The following SLC3A1 variants were observed in gnomAD, a reference collection of about 807,000 sequenced individuals.
SLC3A1 encodes the protein solute carrier family 3 member 1.
Under a neutral mutation model 60.3 loss-of-function variants are expected in SLC3A1, and 78 were observed. The ratio of observed to expected loss-of-function variants is 1.29; its 90% CI spans 1.08 to 1.56. The LOEUF (loss-of-function observed/expected upper bound fraction) is 1.56, where lower values mean the gene tolerates loss of function less well. SLC3A1 is among the 40% of genes most tolerant of loss of function. The pLI, the probability that SLC3A1 is intolerant of heterozygous loss-of-function variation, is 0.00. For missense variants in SLC3A1, 1,172 were observed against 858.9 expected, an observed-to-expected ratio of 1.36 and a Z score of -4.56; for synonymous variants, 392 against 307.9, an observed-to-expected ratio of 1.27 and a Z score of -2.86.
rs977200309 is a variant in SLC3A1 at position 44,280,517 on chromosome 2, C to T, written c.431-199C>T. On this transcript the variant is annotated intron_variant, in intron 1 of 9. Transcript: ENST00000260649. ...CCTCCCAAAGTGCTGGGATTACAGG[C>T]GTGAACCACTACACCCGACCTAATT... Among the ~76,000 whole-genome samples the T allele has an allele frequency of 7.2e-5, 11 of 152,240 alleles. 1 individual carries two copies. Among genetic ancestry groups the T allele is most frequent in the Admixed American group, 2.0e-4 (3 of 15,290 alleles).
intron 9 of SLC3A1, among the ~76,000 whole-genome samples, chr2:44,315,698 TAAAACATACAGGAGAAAAACAGTTCTA>T (rs547123841): frequency 8.4e-4 from 118 of 140,514 alleles, no homozygotes; most frequent in African/African-American, 2.9e-3. Flanking sequence ...AGTGGGAGTC[TAAAACATACAGGAGAAAAACAGTTCTA>T]ACAGAGACAG....
chr2:44,310,256 C>A (rs565457039), intron 7 of SLC3A1, among the ~76,000 whole-genome samples: 2 of 152,174 alleles, frequency 1.3e-5, no homozygotes, highest in African/African-American at 4.8e-5. Flanking sequence ...AGTGACTTCT[C>A]CGTTTTACAT....
At position 44,304,131 on chromosome 2, in the gene SLC3A1, C is replaced by G. The variant is rs1441314916; in HGVS notation, c.1137-12C>G. 1.9e-6 allele frequency: 3 copies of G among 1,611,266 alleles called. No individual in the cohort carries two copies. On this transcript the variant is annotated splice_polypyrimidine_tract_variant and intron_variant, in intron 6 of 9. Transcript: ENST00000260649. ...AGGCCCCGATGACACTGAACCTTGT[C>G]AACTCTTATAGGTTCATGGGGACTG...
chr2:44,317,959 AAAT>A (rs142340658), intron 9 of SLC3A1: 3,414 of 268,742 alleles, frequency 0.013, 124 homozygotes, highest in African/African-American at 0.072. Flanking sequence ...TATAGCAAGC[AAAT>A]AATAGAAAGC....
chr2:44,291,347 G>A (rs1007346601), intron 4 of SLC3A1, among the ~76,000 whole-genome samples: 1 of 152,140 alleles, frequency 6.6e-6, no homozygotes, highest in Non-Finnish European at 1.5e-5. Context: ...GATAAATTCT[G>A]CAAAAATGTG....
At chr2:44,292,977 G>T (rs1047949630) in intron 4 of SLC3A1, among the ~76,000 whole-genome samples, 2 of 152,054 alleles carry the variant, frequency 1.3e-5, no homozygotes, top group Non-Finnish European at 2.9e-5. Flanking sequence ...CCAGGGAGGA[G>T]GATGGTGCAG....
At chr2:44,279,087 C>T (rs1328534027) in intron 1 of SLC3A1, among the ~76,000 whole-genome samples, 1 of 152,028 alleles carries the variant, frequency 6.6e-6, no homozygotes, top group Admixed American at 6.5e-5. Flanking sequence ...CAACCTCCGC[C>T]TCCCAGGTTC....
At chr2:44,311,556 C>T (rs1258582706) in intron 7 of SLC3A1, among the ~76,000 whole-genome samples, 1 of 152,030 alleles carries the variant, frequency 6.6e-6, no homozygotes, top group Non-Finnish European at 1.5e-5. Flanking sequence ...GTCCAGAAGT[C>T]TTGAGAAATC....
chr2:44,293,841 C>T (rs936107026), intron 4 of SLC3A1, among the ~76,000 whole-genome samples: 1 of 152,186 alleles, frequency 6.6e-6, no homozygotes, highest in African/African-American at 2.4e-5. Context: ...GTCAAAGGCA[C>T]ATCATCTTCC....
chr2:44,304,407 T>G (rs1337682664), intron 7 of SLC3A1, 69 bp downstream of exon 7: 2 of 1,204,686 alleles, frequency 1.7e-6, no homozygotes, highest in Non-Finnish European at 2.5e-6. Context: ...ATCTCTAAAA[T>G]GCAATGGACC....
chr2:44,309,150 T>A (rs942355811), intron 7 of SLC3A1, among the ~76,000 whole-genome samples: 1 of 152,198 alleles, frequency 6.6e-6, no homozygotes, highest in Non-Finnish European at 1.5e-5. Flanking sequence ...ACCATCACCA[T>A]TATCAGTTTC....
intron 3 of SLC3A1, among the ~76,000 whole-genome samples, chr2:44,283,387 C>G (rs1671543884): frequency 6.6e-6 from 1 of 152,158 alleles, no homozygotes; most frequent in Admixed American, 6.5e-5. Flanking sequence ...CATTAGCAAA[C>G]ATTTACAAAA....
At chr2:44,300,871 C>A in intron 5 of SLC3A1, 132 bp from the exon 6 acceptor site, 2 of 978,800 alleles carry the variant, frequency 2.0e-6, no homozygotes, top group Non-Finnish European at 3.2e-6. Context: ...CTTCTCCATC[C>A]ACAAAACCAT....
Position 44,282,621 on chromosome 2 carries a change from A to C in SLC3A1, c.765+1080A>C, listed in dbSNP as rs565002850. ...GTGCATAAAAAATTTTTTAGTGTGG[A>C]CCATACTTTCTTTTTTATTTTTATT... On this transcript the variant is annotated intron_variant, in intron 3 of 9. Transcript: ENST00000260649. Among the ~76,000 whole-genome samples the C allele has an allele frequency of 2.0e-5, 3 of 152,134 alleles. No individual in the cohort carries two copies. The South Asian group carries it at 6.2e-4, about 32-fold the overall frequency.
rs1247406129 is a variant in SLC3A1 at position 44,275,763 on chromosome 2, C to G, written c.228C>G (p.Phe76Leu). ...TGCCCAAGGAGGTGCTGTTCCAGTTCTCTGGCCAGGCCCGCTACCGCATAC... is the reference window on the plus strand; with the variant it reads ...TGCCCAAGGAGGTGCTGTTCCAGTTGTCTGGCCAGGCCCGCTACCGCATAC... ...AGMPKEVLFQ[F>L]SGQARYRIPR... Residue 76 changes from phenylalanine (F) to leucine (L), a missense_variant, in exon 1 of 10, where the codon TTC becomes TTG. By Grantham distance (22) the Phe-to-Leu change is conservative (BLOSUM62 0). Coordinates refer to ENST00000260649, the MANE Select transcript of SLC3A1 (RefSeq NM_000341.4). 1.9e-6 allele frequency: 3 copies of G among 1,614,258 alleles called. No individual in the cohort carries two copies. In the South Asian group the frequency reaches 3.3e-5, roughly 18 times the overall value.
intron 9 of SLC3A1, chr2:44,318,110 TGA>T: frequency 4.8e-6 from 2 of 420,020 alleles, no homozygotes; most frequent in East Asian, 7.4e-5. Flanking sequence ...TTTTTTTTTT[TGA>T]GACAGTCTTG....
Position 44,304,204 on chromosome 2 carries a change from C to G in SLC3A1, c.1198C>G (p.Pro400Ala), listed in dbSNP as rs533782563. 3.1e-6 allele frequency: 5 copies of G among 1,614,008 alleles called. No individual in the cohort carries two copies. Among genetic ancestry groups the G allele is most frequent in the Non-Finnish European group, 4.2e-6 (5 of 1,179,904 alleles). ...IDRTVMYYGL[P>A]FIQEADFPFN... The stretch of plus-strand genomic sequence containing the variant: ...CAGGACCGTGATGTACTATGGATTG[C>G]CATTTATCCAAGAAGCTGATTTTCC... Residue 400 changes from proline (P) to alanine (A), a missense_variant, in exon 7 of 10, where the codon CCA becomes GCA. Transcript: ENST00000260649.
rs757861761 is a variant in SLC3A1 at position 44,312,669 on chromosome 2, C to A, written c.1416C>A (p.Leu472=). The change falls in exon 8 of 10, where the codon CTC becomes CTA. Residue 472 remains leucine, a synonymous_variant. Coordinates refer to ENST00000260649, the MANE Select transcript of SLC3A1 (RefSeq NM_000341.4). The part of the protein sequence containing the change: ...VNVMNMLLFT[L]PGTPITYYGE... ...TGATGAACATGCTTCTTTTCACACT[C>A]CCTGGAACTCCTATAACTTACTATG... The A allele has an allele frequency of 1.2e-6, 2 of 1,613,486 alleles. No individual in the cohort carries two copies. The highest frequency in any genetic ancestry group is 8.5e-7 in the Non-Finnish European group (1 of 1,179,462).
At chr2:44,301,783 C>G (rs6544757) in intron 6 of SLC3A1, among the ~76,000 whole-genome samples, 134,560 of 149,844 alleles carry the variant, frequency 0.9, 60,666 homozygotes, top group African/African-American at 0.96. Flanking sequence ...ACCAGCTCCA[C>G]CTGGGTGCGG....
Sources: allele counts gnomAD v4.1 joint callset (sites outside exome capture counted in the v4.1 genomes callset), GRCh38; gene constraint gnomAD v4.1.1; transcripts MANE v1.5; gene names NCBI Gene and HGNC (gene_info 2026-07-23, HGNC 2026-07-21).